The following FARP2 variants were observed in gnomAD, a reference collection of about 807,000 sequenced individuals.
FARP2 encodes the protein FERM, ARHGEF and pleckstrin domain-containing protein 2.
Under a neutral mutation model 130.5 loss-of-function variants are expected in FARP2, and 111 were observed. The ratio of observed to expected loss-of-function variants is 0.85; its 90% confidence interval spans 0.73 to 1.00. The LOEUF (loss-of-function observed/expected upper bound fraction) is 1.00. Ranked by LOEUF, FARP2 falls within the 50% of genes least tolerant of loss-of-function variation. The probability of loss-of-function intolerance (pLI) is 0.00; values close to 1 mark genes in which losing one functional copy is unlikely to be tolerated. For missense variants in FARP2, 1,385 were observed against 1,346.3 expected (o/e 1.03, Z -0.45); for synonymous variants, 504 against 516.9 (o/e 0.98, Z 0.34).
intron 6 of FARP2, among the ~76,000 whole-genome samples, chr2:241,411,874 A>C (rs904077096): frequency 1.3e-5 from 2 of 152,198 alleles, no homozygotes; most frequent in Non-Finnish European, 2.9e-5. Context: ...AATAAATTTT[A>C]TTATGGGTTT....
chr2:241,494,445 A>G lies in FARP2; in HGVS notation c.*320A>G. On this transcript the variant is annotated 3_prime_UTR_variant, in exon 27 of 27. Transcript: ENST00000264042. The surrounding 1 kb of genome is among the most constrained non-coding windows in gnomAD (Gnocchi z 4.9). The stretch of plus-strand genomic sequence containing the variant: ...TGAGCAGTGCTCTCGGCATCGGACC[A>G]AAGCCTGGGCACACCCTGCCTCTCT... 5.0e-6 allele frequency: 1 copy of G among 200,782 alleles called. No individual in the cohort carries two copies. The allele number at this position is 200,782 out of a possible 1,614,324, so 12.4% of individuals were successfully genotyped here.
intron 8 of FARP2, among the ~76,000 whole-genome samples, chr2:241,428,029 G>T (rs917938115): frequency 3.3e-5 from 5 of 151,938 alleles, no homozygotes. Context: ...GCCTCCCAAA[G>T]TGCTGGGATT....
intron 5 of FARP2, 95 bp from the exon 6 acceptor site, chr2:241,410,938 A>T (rs149341620): frequency 1.8e-5 from 16 of 872,998 alleles, no homozygotes; most frequent in Non-Finnish European, 2.9e-5. Context: ...GCCACTTCCC[A>T]GGGCTCATTT....
At chr2:241,396,452 A>G (rs1694204640) in intron 2 of FARP2, among the ~76,000 whole-genome samples, 1 of 152,188 alleles carries the variant, frequency 6.6e-6, no homozygotes, top group African/African-American at 2.4e-5. Flanking sequence ...AAGGGCTAAT[A>G]TCCAGAATCT....
rs1468687034 is a variant in FARP2 at position 241,482,359 on chromosome 2, G to A, written c.2263-1106G>A. On this transcript the variant is annotated intron_variant, in intron 19 of 26. Coordinates refer to ENST00000264042, the MANE Select transcript of FARP2 (RefSeq NM_014808.4). The surrounding 1 kb of genome is among the most constrained non-coding windows in gnomAD (Gnocchi z 4.6). ...GAGAGGGGGCTGCTGCTTAGCCAGTGCTGGGGTCTCTGAGGGTGATGCTGC... is the reference window on the plus strand; with the variant it reads ...GAGAGGGGGCTGCTGCTTAGCCAGTACTGGGGTCTCTGAGGGTGATGCTGC... 1.3e-5 allele frequency among the ~76,000 whole-genome samples: 2 copies of A among 152,186 alleles called. No individual in the cohort carries two copies. The highest frequency in any genetic ancestry group is 2.9e-5 in the Non-Finnish European group (2 of 68,038).
chr2:241,403,453 A>G (rs1443779375), intron 2 of FARP2, among the ~76,000 whole-genome samples: 3 of 152,162 alleles, frequency 2.0e-5, no homozygotes, highest in East Asian at 1.9e-4. Flanking sequence ...GGCTCAAGCA[A>G]TCCACCCACC....
chr2:241,410,530 A>G (rs1050732621), intron 5 of FARP2, among the ~76,000 whole-genome samples: 3 of 151,240 alleles, frequency 2.0e-5, no homozygotes, highest in African/African-American at 7.3e-5. Flanking sequence ...ATCCGGGTTC[A>G]GGCGATTCTC....
intron 19 of FARP2, chr2:241,477,973 A>G (rs2064517172): frequency 6.6e-6 from 1 of 152,544 alleles, no homozygotes; most frequent in South Asian, 2.1e-4. Flanking sequence ...AGAGTTCTTT[A>G]TATATTCTGA....
rs1333558228 is a variant in FARP2 at position 241,436,587 on chromosome 2, C to G, written c.1158+49C>G. Reference sequence around the variant, plus strand: ...GGGGGCAGTAGGAGTTCCCTGTACTCTTTTGGAAAATAGTCTGTCAGTATT... The same window carrying G: ...GGGGGCAGTAGGAGTTCCCTGTACTGTTTTGGAAAATAGTCTGTCAGTATT... On this transcript the variant is annotated intron_variant, in intron 12 of 26. Coordinates refer to ENST00000264042, the MANE Select transcript of FARP2 (RefSeq NM_014808.4). The G allele has an allele frequency of 3.5e-6, 5 of 1,447,030 alleles. No homozygotes were observed. In the African/African-American group the frequency reaches 5.6e-5, roughly 16 times the overall value. The allele number at this position is 1,447,030 out of a possible 1,614,324, so 89.6% of individuals were successfully genotyped here.
At chr2:241,463,200 C>A in intron 15 of FARP2, 135 bp from the exon 16 acceptor site, 1 of 825,690 alleles carries the variant, frequency 1.2e-6, no homozygotes, top group Non-Finnish European at 1.9e-6. Flanking sequence ...GGCTGTAGTG[C>A]TGATCTGAAC....
rs770259297 is a variant in FARP2, at chr2:241,482,298, G to A, written c.2263-1167G>A. On this transcript the variant is annotated intron_variant, in intron 19 of 26. Transcript: ENST00000264042. This position sits in a 1 kb window ranked among gnomAD's most constrained non-coding sequence, Gnocchi z 4.6. ...CAGTGCATGGTGGAGAAGGCGCCCC[G>A]TGGGTCTGGGACGCACATCCTGTGA... Among the ~76,000 whole-genome samples, 3 of 152,196 alleles carry A rather than the reference G, an allele frequency of 2.0e-5. No homozygotes were observed. Among genetic ancestry groups the A allele is most frequent in the Admixed American group, 6.5e-5 (1 of 15,284 alleles).
At chr2:241,485,544 T>A (rs955428932) in intron 21 of FARP2, among the ~76,000 whole-genome samples, 2 of 149,612 alleles carry the variant, frequency 1.3e-5, no homozygotes, top group African/African-American at 5.0e-5. Flanking sequence ...GGATCTTCCC[T>A]CCCTGGGGTC....
intron 13 of FARP2, among the ~76,000 whole-genome samples, chr2:241,454,492 T>C (rs2063780263): frequency 6.6e-6 from 1 of 152,250 alleles, no homozygotes; most frequent in African/African-American, 2.4e-5. Flanking sequence ...TGTGAAATTC[T>C]GGCTTATTGA....
At chr2:241,366,084 A>T in intron 1 of FARP2, among the ~76,000 whole-genome samples, 1 of 3,602 alleles carries the variant, frequency 2.8e-4, no homozygotes, top group Non-Finnish European at 8.7e-4. Context: ...GTGAGACCTC[A>T]TCACTACTAA....
At chr2:241,407,183 T>C (rs2062382826) in intron 4 of FARP2, among the ~76,000 whole-genome samples, 1 of 152,214 alleles carries the variant, frequency 6.6e-6, no homozygotes, top group Non-Finnish European at 1.5e-5. Context: ...ATATATGTGA[T>C]TGGTACTTGG....
chr2:241,398,070 A>G (rs2062075422), intron 2 of FARP2, among the ~76,000 whole-genome samples: 1 of 151,930 alleles, frequency 6.6e-6, no homozygotes, highest in African/African-American at 2.4e-5. Context: ...TGACCTCGTG[A>G]TCCGCCCGCC....
intron 13 of FARP2, among the ~76,000 whole-genome samples, chr2:241,451,557 A>G (rs1010581822): frequency 1.3e-5 from 2 of 152,182 alleles, no homozygotes; most frequent in Non-Finnish European, 2.9e-5. Flanking sequence ...TGAGTTGTAT[A>G]TGATACGAAT....
At chr2:241,374,163 C>T (rs1209707957) in intron 2 of FARP2, among the ~76,000 whole-genome samples, 1 of 151,910 alleles carries the variant, frequency 6.6e-6, no homozygotes, top group Non-Finnish European at 1.5e-5. Context: ...AAGCATGCAC[C>T]ACCACGCCTG....
At chr2:241,406,626 T>TG (rs2062358342) in intron 4 of FARP2, among the ~76,000 whole-genome samples, 2 of 149,942 alleles carry the variant, frequency 1.3e-5, no homozygotes, top group African/African-American at 5.0e-5. Context: ...TGGGGTTTTT[T>TG]TGGGGGGGAG....
Sources: allele counts gnomAD v4.1 joint callset (sites outside exome capture counted in the v4.1 genomes callset), GRCh38; gene constraint gnomAD v4.1.1; non-coding constraint Gnocchi (gnomAD v3.1); transcripts MANE v1.5; gene names NCBI Gene and HGNC (gene_info 2026-07-23, HGNC 2026-07-21).